Variants in MYLK2 observed in about 807,000 individuals in gnomAD.
The protein encoded by MYLK2 is myosin light chain kinase 2.
MYLK2 carries 27 observed loss-of-function variants against 58.2 expected under a neutral mutation model. The observed-to-expected ratio is 0.46, with a 90% CI of 0.34 to 0.64. MYLK2 has a LOEUF of 0.64. Among genes scored for constraint, MYLK2 ranks in the 30% least tolerant of loss-of-function variants. MYLK2 has a pLI of 0.01. For missense variants in MYLK2, 676 were observed against 764.3 expected (o/e 0.88, Z 1.36); for synonymous variants, 310 against 296.7 (o/e 1.04, Z -0.46).
intron 8 of MYLK2, 80 bp downstream of exon 8, chr20:31,827,018 C>G: frequency 6.3e-7 from 1 of 1,596,984 alleles, no homozygotes; most frequent in Non-Finnish European, 8.5e-7. Flanking sequence ...AGCCATCCCT[C>G]TGCCCTCCCA....
intron 6 of MYLK2, among the ~76,000 whole-genome samples, chr20:31,824,714 G>A (rs2062270038): frequency 6.6e-6 from 1 of 152,228 alleles, no homozygotes; most frequent in South Asian, 2.1e-4. Flanking sequence ...CCCTCAGGGA[G>A]CTGAAGCCAA....
At chr20:31,827,270 T>TG in intron 8 of MYLK2, 3 of 985,370 alleles carry the variant, frequency 3.0e-6, no homozygotes, top group Non-Finnish European at 3.6e-6. Context: ...TAATAAGTGT[T>TG]GCAATAGCAC....
chr20:31,826,009 G>A (rs145428411), intron 6 of MYLK2, among the ~76,000 whole-genome samples: 1 of 152,164 alleles, frequency 6.6e-6, no homozygotes, highest in Non-Finnish European at 1.5e-5. Context: ...GGTCGGAGGT[G>A]GGGTGTGAGG....
chr20:31,824,370 G>A lies in MYLK2; in HGVS notation c.972+18G>A. ...AAGACAAGGTAGTGAGGTTGCGGGGGTGGTGGCTGCCCAGGATGGGGAGGG... is the reference window on the plus strand; with the variant it reads ...AAGACAAGGTAGTGAGGTTGCGGGGATGGTGGCTGCCCAGGATGGGGAGGG... On this transcript the variant is annotated intron_variant, in intron 6 of 12. Coordinates refer to ENST00000375985, the MANE Select transcript of MYLK2 (RefSeq NM_033118.4). 6.2e-7 allele frequency: 1 copy of A among 1,601,604 alleles called. No homozygotes were observed. Among genetic ancestry groups the A allele is most frequent in the African/African-American group, 1.3e-5 (1 of 74,702 alleles).
chr20:31,823,911 A>G lies in MYLK2; in HGVS notation c.878+329A>G, dbSNP rs548226178. 11 of 984,048 alleles carry G rather than the reference A, an allele frequency of 1.1e-5. No homozygotes were observed. The East Asian group carries it at 1.3e-3, about 112-fold the overall frequency. 61.0% of individuals were successfully genotyped at this position (984,048 alleles called of 1,614,324 possible). On this transcript the variant is annotated intron_variant, in intron 5 of 12. Transcript: ENST00000375985. ...TTGTAAAAAGCCCTGACTCAGTCTTATACCTCTGCAGATCCTCCCTCTGCC... is the reference window on the plus strand; with the variant it reads ...TTGTAAAAAGCCCTGACTCAGTCTTGTACCTCTGCAGATCCTCCCTCTGCC...
chr20:31,833,884 G>A lies in MYLK2; in HGVS notation c.*87G>A. On this transcript the variant is annotated 3_prime_UTR_variant, in exon 13 of 13. Transcript: ENST00000375985. ...CCCAGAAGGCCAGAAAAGGCAGCCA[G>A]ATCCCCAGGGCAGCCTCGTTAGGAC... 1.6e-6 allele frequency: 2 copies of A among 1,272,886 alleles called. No individual in the cohort carries two copies. Among genetic ancestry groups the A allele is most frequent in the Non-Finnish European group, 2.2e-6 (2 of 890,024 alleles). The allele number at this position is 1,272,886 out of a possible 1,614,324, so 78.8% of individuals were successfully genotyped here.
chr20:31,821,955 C>T lies in MYLK2; in HGVS notation c.772+218C>T, dbSNP rs980065099. On this transcript the variant is annotated intron_variant, in intron 4 of 12. Coordinates refer to ENST00000375985, the MANE Select transcript of MYLK2 (RefSeq NM_033118.4). ...TGTTTTAAAAGATAGGGTCTTGCTA[C>T]GTTGCCCAGGCTGGCTTCAAACTCC... is the stretch of plus-strand genomic sequence containing the variant. Among the ~76,000 whole-genome samples, 43 of 152,278 alleles carry T rather than the reference C, an allele frequency of 2.8e-4. 1 individual carries two copies. Among genetic ancestry groups the T allele is most frequent in the African/African-American group, 1.0e-3 (42 of 41,542 alleles).
intron 8 of MYLK2, 120 bp from the exon 9 acceptor site, chr20:31,830,699 A>C (rs2062301535): frequency 4.9e-6 from 5 of 1,023,532 alleles, no homozygotes; most frequent in Non-Finnish European, 7.8e-6. Context: ...GGTCTCTGGC[A>C]GCTGCCCACT....
At chr20:31,828,342 G>A (rs764921150) in intron 8 of MYLK2, 12 of 985,256 alleles carry the variant, frequency 1.2e-5, no homozygotes, top group South Asian at 4.7e-5. Context: ...GTTAAGTGGC[G>A]GGACATGGAA....
intron 11 of MYLK2, 25 bp downstream of exon 11, chr20:31,831,880 C>A: frequency 6.2e-7 from 1 of 1,614,114 alleles, no homozygotes; most frequent in Non-Finnish European, 8.5e-7. Context: ...AGAACCTGAA[C>A]TGTATGTGTG....
intron 6 of MYLK2, among the ~76,000 whole-genome samples, chr20:31,826,113 C>A (rs925156882): frequency 6.6e-6 from 1 of 152,024 alleles, no homozygotes; most frequent in Non-Finnish European, 1.5e-5. Flanking sequence ...CCAGGCAAGC[C>A]GAGAGCAACT....
chr20:31,833,713 C>G lies in MYLK2; in HGVS notation c.1711-4C>G, dbSNP rs372190501. ...ACTGGGACTCCCTCTCTTCTGCCCT[C>G]TAGAAAAACTTCATTGCTGTCAGCG... On this transcript the variant is annotated splice_region_variant and splice_polypyrimidine_tract_variant and intron_variant, in intron 12 of 12. Transcript: ENST00000375985. 1.2e-6 allele frequency: 2 copies of G among 1,613,742 alleles called. No individual in the cohort carries two copies. Among genetic ancestry groups the G allele is most frequent in the Admixed American group, 1.7e-5 (1 of 60,008 alleles).
intron 4 of MYLK2, 48 bp downstream of exon 4, chr20:31,821,785 A>G: frequency 1.3e-6 from 2 of 1,503,802 alleles, no homozygotes; most frequent in African/African-American, 1.4e-5. Context: ...GGCCAGGGGG[A>G]GGGAAGGGGG....
In MYLK2 at chr20:31,827,055, C is replaced by G. The variant is rs1037158686; in HGVS notation, c.1224+117C>G. The stretch of plus-strand genomic sequence containing the variant: ...CCCTCCATCTCTTCCTTCATCCATC[C>G]TTCCCTTCATAGATTCAGAAAGGGT... On this transcript the variant is annotated intron_variant, in intron 8 of 12. Coordinates refer to ENST00000375985, the MANE Select transcript of MYLK2 (RefSeq NM_033118.4). 1.9e-6 allele frequency: 3 copies of G among 1,542,372 alleles called. No homozygotes were observed. In the African/African-American group the frequency reaches 4.1e-5, roughly 21 times the overall value.
At position 31,833,881 on chromosome 20, in the gene MYLK2, C is replaced by T. The variant is rs886056580; in HGVS notation, c.*84C>T. The T allele has an allele frequency of 2.4e-5, 31 of 1,295,256 alleles. No homozygotes were observed. Among genetic ancestry groups the T allele is most frequent in the Non-Finnish European group, 4.4e-6 (4 of 909,836 alleles). The allele number at this position is 1,295,256 out of a possible 1,614,324, so 80.2% of individuals were successfully genotyped here. The stretch of plus-strand genomic sequence containing the variant: ...CAGCCCAGAAGGCCAGAAAAGGCAG[C>T]CAGATCCCCAGGGCAGCCTCGTTAG... On this transcript the variant is annotated 3_prime_UTR_variant, in exon 13 of 13. Coordinates refer to ENST00000375985, the MANE Select transcript of MYLK2 (RefSeq NM_033118.4).
chr20:31,822,034 G>A (rs923494570), intron 4 of MYLK2, among the ~76,000 whole-genome samples: 11 of 152,174 alleles, frequency 7.2e-5, no homozygotes, highest in African/African-American at 1.9e-4. Flanking sequence ...GACTACAGGC[G>A]TGTACAACCA....
intron 6 of MYLK2, 98 bp downstream of exon 6, chr20:31,824,450 G>A (rs2062268802): frequency 6.5e-7 from 1 of 1,546,336 alleles, no homozygotes; most frequent in Non-Finnish European, 8.7e-7. Context: ...TGAACCTGGG[G>A]CCTGGTATGG....
intron 8 of MYLK2, 185 bp downstream of exon 8, chr20:31,827,123 AAG>A (rs1290185187): frequency 5.6e-5 from 55 of 980,966 alleles, no homozygotes; most frequent in Middle Eastern, 5.2e-4. Context: ...GGGCACAGCA[AAG>A]AGAGAGAGGG....
chr20:31,822,463 TG>T (rs1400862316), intron 4 of MYLK2, among the ~76,000 whole-genome samples: 1 of 152,080 alleles, frequency 6.6e-6, no homozygotes, highest in Non-Finnish European at 1.5e-5. Flanking sequence ...GCATGTGCAA[TG>T]GGGCAGGACT....
Sources: gnomAD v4.1 joint callset for allele counts (sites outside exome capture counted in the v4.1 genomes callset) on GRCh38, gnomAD v4.1.1 for gene constraint, MANE v1.5 for transcripts, NCBI Gene and HGNC (gene_info 2026-07-23, HGNC 2026-07-21) for gene names.